The following FOXJ3 variants were observed in gnomAD, a reference collection of about 807,000 sequenced individuals.
FOXJ3 encodes forkhead box protein J3.
A neutral mutation model predicts 76.1 loss-of-function variants in FOXJ3; 22 were observed. That is an observed-to-expected ratio of 0.29 (90% confidence interval 0.21 to 0.41). The LOEUF is 0.41. FOXJ3 is among the 10% of genes least tolerant of loss of function. The probability of loss-of-function intolerance (pLI) is 1.00; values close to 1 mark genes in which losing one functional copy is unlikely to be tolerated. For synonymous variants in FOXJ3, 269 were observed against 261.2 expected, an observed-to-expected ratio of 1.03 and a Z score of -0.29; for missense variants, 613 against 762.1, an observed-to-expected ratio of 0.80 and a Z score of 2.30.
intron 8 of FOXJ3, among the ~76,000 whole-genome samples, chr1:42,194,485 G>A (rs1041355808): frequency 6.6e-6 from 1 of 152,190 alleles, no homozygotes; most frequent in Non-Finnish European, 1.5e-5. Flanking sequence ...ACCACATTCC[G>A]ATAGTTATCT....
chr1:42,309,239 G>T (rs997775144), intron 2 of FOXJ3, among the ~76,000 whole-genome samples: 2 of 152,022 alleles, frequency 1.3e-5, no homozygotes, highest in African/African-American at 4.8e-5. Context: ...CTGGGCAATT[G>T]TAACACTTCA....
chr1:42,257,269 A>G (rs1487967947), intron 4 of FOXJ3, among the ~76,000 whole-genome samples: 1 of 152,244 alleles, frequency 6.6e-6, no homozygotes, highest in African/African-American at 2.4e-5. Flanking sequence ...TCCAAAAATC[A>G]ATCAAGATAC....
intron 11 of FOXJ3, among the ~76,000 whole-genome samples, chr1:42,183,768 T>C (rs759870681): frequency 6.6e-6 from 1 of 152,074 alleles, no homozygotes; most frequent in Non-Finnish European, 1.5e-5. Flanking sequence ...TGCTCACAAG[T>C]CTTTACCCTC....
chr1:42,222,016 G>A lies in FOXJ3; in HGVS notation c.528+5867C>T, dbSNP rs1262653852. Among the ~76,000 whole-genome samples the A allele has an allele frequency of 2.1e-3, 10 of 4,690 alleles. 1 individual carries two copies. Among genetic ancestry groups the A allele is most frequent in the Non-Finnish European group, 4.3e-3 (8 of 1,876 alleles). 3.1% of individuals were successfully genotyped at this position (4,690 alleles called of 152,430 possible). On this transcript the variant is annotated intron_variant, in intron 5 of 12. Transcript: ENST00000361346. ...GGGGGAGGGGGAGGAGGAGGAGAAG[G>A]AGAAGGGGGAGGGGGAGGAGAAGGA...
chr1:42,195,073 A>G lies in FOXJ3; in HGVS notation c.760-9T>C. On this transcript the variant is annotated splice_polypyrimidine_tract_variant and intron_variant, in intron 7 of 12. Transcript: ENST00000361346. The stretch of plus-strand genomic sequence containing the variant: ...TCTGGATGGCTTGTCACCTAACATT[A>G]AAAGAAAACACAACTAATTCAGCCT... 1 of 1,586,088 alleles carries G rather than the reference A, an allele frequency of 6.3e-7. No homozygotes were observed. The highest frequency in any genetic ancestry group is 8.6e-7 in the Non-Finnish European group (1 of 1,169,588).
chr1:42,209,346 A>G (rs1466332053), intron 5 of FOXJ3, among the ~76,000 whole-genome samples: 1 of 152,234 alleles, frequency 6.6e-6, no homozygotes, highest in Non-Finnish European at 1.5e-5. Flanking sequence ...TGCCCCTCCC[A>G]CTTGGAAAAA....
chr1:42,280,625 GA>G (rs1652640136), intron 2 of FOXJ3, among the ~76,000 whole-genome samples: 3 of 151,968 alleles, frequency 2.0e-5, no homozygotes. Context: ...CTTCAGTAAT[GA>G]AAAACTGCAG....
chr1:42,264,130 A>G (rs1210855415), intron 4 of FOXJ3, among the ~76,000 whole-genome samples: 1 of 152,088 alleles, frequency 6.6e-6, no homozygotes, highest in Non-Finnish European at 1.5e-5. Flanking sequence ...AAAGCCTCAG[A>G]GAAGTCATGT....
At chr1:42,191,802 A>G in intron 8 of FOXJ3, 83 bp from the exon 9 acceptor site, 3 of 1,441,252 alleles carry the variant, frequency 2.1e-6, no homozygotes, top group Non-Finnish European at 2.9e-6. Context: ...ACATAACAAA[A>G]GCATATGATG....
In FOXJ3 at chr1:42,181,912, CTT is replaced by C. The variant is rs757463405; in HGVS notation, c.1753+3_1753+4del. 113 of 1,569,744 alleles carry C rather than the reference CTT, an allele frequency of 7.2e-5. No homozygotes were observed. Among genetic ancestry groups the C allele is most frequent in the Admixed American group, 6.9e-4 (41 of 59,418 alleles). Reference sequence around the variant, plus strand: ...ACACACACTCACTCTCTCTCTCTCTCTTACCTGCCATCGTTGTTCCTGGAGTG... The same window carrying C: ...ACACACACTCACTCTCTCTCTCTCTCACCTGCCATCGTTGTTCCTGGAGTG... On this transcript the variant is annotated splice_donor_region_variant and intron_variant, in intron 12 of 12. Transcript: ENST00000361346.
At chr1:42,319,222 C>CTGTTTTGTTTTGTTT (rs56158851) in intron 1 of FOXJ3, among the ~76,000 whole-genome samples, 79 of 150,716 alleles carry the variant, frequency 5.2e-4, no homozygotes, top group African/African-American at 9.3e-4. Flanking sequence ...CAGCAAGACC[C>CTGTTTTGTTTTGTTT]TGTTTTGTTT....
chr1:42,279,282 GAAAA>G, intron 2 of FOXJ3, among the ~76,000 whole-genome samples: 1 of 151,960 alleles, frequency 6.6e-6, no homozygotes, highest in African/African-American at 2.4e-5. Context: ...GGAGTTGACC[GAAAA>G]AAGGAATGCA....
chr1:42,191,436 T>A lies in FOXJ3; in HGVS notation c.1218A>T (p.Gln406His), dbSNP rs1646541789. Reference sequence around the variant, plus strand: ...GGTGAGGGGACTGGAGCTGGCTGTGTTGCTGTGGGTGTGGTGCTGGGTGTG... The same window carrying A: ...GGTGAGGGGACTGGAGCTGGCTGTGATGCTGTGGGTGTGGTGCTGGGTGTG... Reference protein sequence around the residue: ...RSPHPAPHPQQHSQLQSPHPQ... With the variant: ...RSPHPAPHPQHHSQLQSPHPQ... Residue 406 changes from glutamine (Q) to histidine (H), a missense_variant, in exon 9 of 13, where the codon CAA becomes CAT. Physicochemically the swap from Gln to His is conservative, Grantham distance 24. Around this residue, in one of 3 missense-constraint regions of FOXJ3, gnomAD observed 526 missense variants for 601.4 expected, o/e 0.87. Coordinates refer to ENST00000361346, the MANE Select transcript of FOXJ3 (RefSeq NM_014947.5). The A allele has an allele frequency of 6.2e-7, 1 of 1,612,976 alleles. No homozygotes were observed. Among genetic ancestry groups the A allele is most frequent in the Non-Finnish European group, 8.5e-7 (1 of 1,179,252 alleles).
chr1:42,235,251 A>AC (rs976676407), intron 4 of FOXJ3, among the ~76,000 whole-genome samples: 11 of 152,322 alleles, frequency 7.2e-5, no homozygotes, highest in African/African-American at 2.6e-4. Flanking sequence ...GACTGTTGGA[A>AC]AAGTGCAGTA....
At chr1:42,223,699 T>G (rs972630938) in intron 5 of FOXJ3, among the ~76,000 whole-genome samples, 14 of 152,368 alleles carry the variant, frequency 9.2e-5, no homozygotes, top group African/African-American at 3.1e-4. Context: ...TGCTCTGTCA[T>G]TTATAATCAC....
At chr1:42,202,371 G>C (rs1646779434) in intron 6 of FOXJ3, among the ~76,000 whole-genome samples, 1 of 151,650 alleles carries the variant, frequency 6.6e-6, no homozygotes, top group African/African-American at 2.4e-5. Context: ...ATCATTTCTG[G>C]GTCAGTTGTG....
intron 9 of FOXJ3, among the ~76,000 whole-genome samples, chr1:42,190,190 G>A (rs1646514655): frequency 6.6e-6 from 1 of 152,230 alleles, no homozygotes; most frequent in Non-Finnish European, 1.5e-5. Context: ...TGAGACAGCA[G>A]TGCTGAATAG....
intron 4 of FOXJ3, among the ~76,000 whole-genome samples, chr1:42,243,063 T>C (rs558418625): frequency 6.6e-6 from 1 of 152,292 alleles, no homozygotes; most frequent in East Asian, 1.9e-4. Context: ...ACACAGCATG[T>C]AGGTAAAAAA....
rs1329025035 is a variant in FOXJ3, at chr1:42,259,636, AT to A, written c.444+5478del. ...ACTTCTATCTAACTCAATCTTTCTA[AT>A]CTTCTGAATACCTTAGCTTTCTAAC... On this transcript the variant is annotated intron_variant, in intron 4 of 12. Transcript: ENST00000361346. Among the ~76,000 whole-genome samples, 3 of 152,150 alleles carry A rather than the reference AT, an allele frequency of 2.0e-5. No homozygotes were observed. The East Asian group carries it at 5.8e-4, about 29-fold the overall frequency.
Sources: allele counts gnomAD v4.1 joint callset (sites outside exome capture counted in the v4.1 genomes callset), GRCh38; gene constraint gnomAD v4.1.1; regional missense constraint gnomAD v4.1.1; transcripts MANE v1.5; gene names NCBI Gene and HGNC (gene_info 2026-07-23, HGNC 2026-07-21).